HRH1: variants seen among roughly 807,000 people sequenced by gnomAD.
The protein encoded by HRH1 is histamine H1 receptor.
Under a neutral mutation model 10.3 loss-of-function variants are expected in HRH1, and 6 were observed. That is an observed-to-expected ratio of 0.58 (90% confidence interval 0.32 to 1.15). HRH1 has a LOEUF of 1.15. Among genes scored for constraint, HRH1 ranks in the 50% most tolerant of loss-of-function variants. HRH1 has a pLI of 0.05. For missense variants in HRH1, 514 were observed against 615.3 expected (o/e 0.84, Z 1.74); for synonymous variants, 242 against 236.7 (o/e 1.02, Z -0.21).
At chr3:11,207,366 G>A (rs571992098) in intron 1 of HRH1, among the ~76,000 whole-genome samples, 4 of 151,814 alleles carry the variant, frequency 2.6e-5, no homozygotes, top group Admixed American at 6.6e-5. Flanking sequence ...AGATCCAGAC[G>A]ATCCTGGCTA....
intron 1 of HRH1, among the ~76,000 whole-genome samples, chr3:11,144,394 T>C (rs1010510902): frequency 2.6e-5 from 4 of 151,498 alleles, no homozygotes; most frequent in Non-Finnish European, 5.9e-5. Flanking sequence ...TATGTGTATA[T>C]ATACATATAG....
At chr3:11,189,829 A>T (rs1937510136) in intron 1 of HRH1, among the ~76,000 whole-genome samples, 1 of 152,174 alleles carries the variant, frequency 6.6e-6, no homozygotes, top group Non-Finnish European at 1.5e-5. Context: ...ACACACCTGT[A>T]ATCCCAGCTA....
At chr3:11,202,727 G>A (rs1393279059) in intron 1 of HRH1, among the ~76,000 whole-genome samples, 1 of 152,176 alleles carries the variant, frequency 6.6e-6, no homozygotes, top group African/African-American at 2.4e-5. Context: ...ACAGAGTGGT[G>A]CATTTGTTAC....
At chr3:11,217,096 G>C (rs1938532689) in intron 1 of HRH1, among the ~76,000 whole-genome samples, 1 of 151,684 alleles carries the variant, frequency 6.6e-6, no homozygotes, top group Admixed American at 6.6e-5. Context: ...TGAGGCAGCA[G>C]AATTGCTTGA....
At chr3:11,249,232 T>G (rs1334879189) in intron 1 of HRH1, among the ~76,000 whole-genome samples, 3 of 151,384 alleles carry the variant, frequency 2.0e-5, no homozygotes, top group Admixed American at 2.0e-4. Context: ...CCGTCTCTAC[T>G]AAAAATAAAA....
intron 1 of HRH1, among the ~76,000 whole-genome samples, chr3:11,174,942 G>A (rs1247158204): frequency 6.6e-6 from 1 of 152,200 alleles, no homozygotes; most frequent in Non-Finnish European, 1.5e-5. Flanking sequence ...GAAAGAATGG[G>A]TCCCGGATTC....
At chr3:11,224,865 G>A (rs1938832477) in intron 1 of HRH1, among the ~76,000 whole-genome samples, 1 of 152,114 alleles carries the variant, frequency 6.6e-6, no homozygotes, top group Non-Finnish European at 1.5e-5. Context: ...GTTGCTGTGG[G>A]GATTGAATGA....
At chr3:11,199,004 G>A (rs1365449686) in intron 1 of HRH1, among the ~76,000 whole-genome samples, 1 of 151,250 alleles carries the variant, frequency 6.6e-6, no homozygotes, top group Non-Finnish European at 1.5e-5. Context: ...GTTCATTGCA[G>A]CCTCTGCCCC....
chr3:11,213,396 A>G (rs985960375), intron 1 of HRH1, among the ~76,000 whole-genome samples: 1 of 152,344 alleles, frequency 6.6e-6, no homozygotes, highest in East Asian at 1.9e-4. Context: ...GGACATGGCT[A>G]TAGAGGTTTG....
Position 11,188,878 on chromosome 3 carries a change from A to G in HRH1, c.-36+34324A>G, listed in dbSNP as rs1461627804. ...GTTAACAGATCAGGTCCACAGAAAA[A>G]AGTAGGTGTCTGTTTTGCCCTTCTT... On this transcript the variant is annotated intron_variant, in intron 1 of 1. Coordinates refer to ENST00000431010, the MANE Select transcript of HRH1 (RefSeq NM_001098212.2). 2.6e-5 allele frequency among the ~76,000 whole-genome samples: 4 copies of G among 152,312 alleles called. No individual in the cohort carries two copies. In the South Asian group the frequency reaches 6.2e-4, roughly 24 times the overall value.
At chr3:11,168,638 T>G (rs907504698) in intron 1 of HRH1, among the ~76,000 whole-genome samples, 3 of 152,248 alleles carry the variant, frequency 2.0e-5, no homozygotes, top group Non-Finnish European at 4.4e-5. Context: ...TCGTTGTGCC[T>G]GCGTCCTGGG....
chr3:11,178,741 C>G (rs541670352), intron 1 of HRH1, among the ~76,000 whole-genome samples: 1 of 152,160 alleles, frequency 6.6e-6, no homozygotes, highest in Non-Finnish European at 1.5e-5. Context: ...CAGGATTTTA[C>G]CCACCACCCA....
intron 1 of HRH1, among the ~76,000 whole-genome samples, chr3:11,183,478 T>G (rs1197309082): frequency 6.6e-6 from 1 of 152,112 alleles, no homozygotes; most frequent in Non-Finnish European, 1.5e-5. Flanking sequence ...CCTCCTACAG[T>G]GCACAGGGCA....
At chr3:11,244,708 A>G (rs1175256111) in intron 1 of HRH1, among the ~76,000 whole-genome samples, 1 of 152,176 alleles carries the variant, frequency 6.6e-6, no homozygotes, top group Non-Finnish European at 1.5e-5. Flanking sequence ...CATGCTTCCC[A>G]TGTTGGGGAG....
rs868632705 is a variant in HRH1 at position 11,173,442 on chromosome 3, G to T, written c.-36+18888G>T. ...TTTTGAGATGGAGTCTCGCTCTGTCGCCCAGGCTGGAGTGCAGTGGCATGA... is the reference window on the plus strand; with the variant it reads ...TTTTGAGATGGAGTCTCGCTCTGTCTCCCAGGCTGGAGTGCAGTGGCATGA... On this transcript the variant is annotated intron_variant, in intron 1 of 1. Coordinates refer to ENST00000431010, the MANE Select transcript of HRH1 (RefSeq NM_001098212.2). Among the ~76,000 whole-genome samples the T allele has an allele frequency of 3.1e-4, 47 of 151,198 alleles. 1 individual carries two copies. Among genetic ancestry groups the T allele is most frequent in the African/African-American group, 1.1e-3 (45 of 41,212 alleles).
chr3:11,219,989 AAAGG>A (rs549596249), intron 1 of HRH1, among the ~76,000 whole-genome samples: 51 of 149,992 alleles, frequency 3.4e-4, no homozygotes, highest in African/African-American at 1.2e-3. Flanking sequence ...TTTTTCTGAA[AAAGG>A]AAGGAAGTAT....
chr3:11,207,548 G>C (rs984045475), intron 1 of HRH1, among the ~76,000 whole-genome samples: 1 of 152,064 alleles, frequency 6.6e-6, no homozygotes, highest in African/African-American at 2.4e-5. Context: ...CAGCCTGGGC[G>C]ACAGAGCGAG....
chr3:11,255,621 A>G (rs1939763871), intron 1 of HRH1, among the ~76,000 whole-genome samples: 1 of 152,200 alleles, frequency 6.6e-6, no homozygotes. Flanking sequence ...TTGGTTTTAT[A>G]CATTCTAGGG....
intron 1 of HRH1, among the ~76,000 whole-genome samples, chr3:11,220,229 G>A (rs1938661028): frequency 6.6e-6 from 1 of 152,108 alleles, no homozygotes; most frequent in Non-Finnish European, 1.5e-5. Context: ...TGCTATATAT[G>A]TTAGTTGTTT....
Sources: gnomAD v4.1 joint callset for allele counts (sites outside exome capture counted in the v4.1 genomes callset) on GRCh38, gnomAD v4.1.1 for gene constraint, MANE v1.5 for transcripts, NCBI Gene and HGNC (gene_info 2026-07-23, HGNC 2026-07-21) for gene names.